Variants in GLI4 observed in about 807,000 individuals in gnomAD.
GLI4 encodes GLI family zinc finger 4.
GLI4 carries 34 observed loss-of-function variants against 30.9 expected under a neutral mutation model. The ratio of observed to expected loss-of-function variants is 1.10; its 90% CI spans 0.84 to 1.47. The LOEUF is 1.47. Ranked by LOEUF, GLI4 falls within the 40% of genes most tolerant of loss-of-function variation. The pLI, the probability that GLI4 is intolerant of heterozygous loss-of-function variation, is 0.00. For missense variants in GLI4, 696 were observed against 538.9 expected, an observed-to-expected ratio of 1.29 and a Z score of -2.89; for synonymous variants, 277 against 236.7, an observed-to-expected ratio of 1.17 and a Z score of -1.56.
Position 143,276,066 on chromosome 8 carries a change from T to C in GLI4, c.393T>C (p.Pro131=). ...SSAERPAGQP[P]GAVPCAQPRG... The stretch of plus-strand genomic sequence containing the variant: ...CGGAGCGGCCGGCGGGCCAGCCGCC[T>C]GGGGCCGTCCCTTGCGCCCAGCCGC... Residue 131 remains proline (P), a synonymous_variant, in exon 4 of 4, where the codon CCT becomes CCC. Transcript: ENST00000340042. 7.2e-7 allele frequency: 1 copy of C among 1,388,664 alleles called. No homozygotes were observed. The highest frequency in any genetic ancestry group is 9.2e-7 in the Non-Finnish European group (1 of 1,081,502). The allele number at this position is 1,388,664 out of a possible 1,614,324, so 86.0% of individuals were successfully genotyped here.
At chr8:143,273,344 C>G (rs571970780) in intron 2 of GLI4, 1 of 152,362 alleles carries the variant, frequency 6.6e-6, no homozygotes, top group South Asian at 2.1e-4. Flanking sequence ...TGCTTTGGGG[C>G]AGCCAAGCAG....
intron 1 of GLI4, among the ~76,000 whole-genome samples, chr8:143,268,412 G>T (rs890772319): frequency 1.3e-5 from 2 of 152,186 alleles, no homozygotes; most frequent in African/African-American, 4.8e-5. Flanking sequence ...TTGGACTCAA[G>T]CCGTTTTTGC....
intron 1 of GLI4, chr8:143,267,736 C>T (rs1815168885): frequency 1.0e-6 from 1 of 985,352 alleles, no homozygotes. Flanking sequence ...GGCGCCTTTC[C>T]CAGGCACCCA....
intron 2 of GLI4, among the ~76,000 whole-genome samples, chr8:143,273,704 C>T (rs1340608438): frequency 6.6e-6 from 1 of 152,244 alleles, no homozygotes; most frequent in Non-Finnish European, 1.5e-5. Flanking sequence ...CTGCCCACCC[C>T]AGCCCTGCGT....
Position 143,268,172 on chromosome 8 carries a change from C to T in GLI4, c.-38+688C>T, listed in dbSNP as rs1032730209. 5.0e-6 allele frequency: 4 copies of T among 793,846 alleles called. No individual in the cohort carries two copies. The Admixed American group carries it at 2.5e-4, about 50-fold the overall frequency. The allele number at this position is 793,846 out of a possible 1,614,324, so 49.2% of individuals were successfully genotyped here. ...CACCCAGTGGCCACCTACCTGGTGA[C>T]CTGACCCTTCCCATCATTAGGGGAT... On this transcript the variant is annotated intron_variant, in intron 1 of 3. Coordinates refer to ENST00000340042, the MANE Select transcript of GLI4 (RefSeq NM_138465.4).
rs1040589238 is a variant in GLI4, at chr8:143,276,136, C to T, written c.463C>T (p.Pro155Ser). The change falls in exon 4 of 4, where the codon CCC becomes TCC. Residue 155 changes from proline to serine, a missense_variant. By Grantham distance (74) the Pro-to-Ser change is moderately conservative (BLOSUM62 -1). Coordinates refer to ENST00000340042, the MANE Select transcript of GLI4 (RefSeq NM_138465.4). ...GCTCGTGCAGCAAGCAGCGGCCGGG[C>T]CCGAGGGTGCGCCCGAGCGGGCTGC... Reference protein sequence around the residue: ...VTLVQQAAAGPEGAPERAAEL... With the variant: ...VTLVQQAAAGSEGAPERAAEL... 1 of 1,541,864 alleles carries T rather than the reference C, an allele frequency of 6.5e-7. No homozygotes were observed. Among genetic ancestry groups the T allele is most frequent in the Non-Finnish European group, 8.7e-7 (1 of 1,144,078 alleles).
In GLI4 at chr8:143,276,829, C is replaced by T. The variant is rs372431008; in HGVS notation, c.*25C>T. ...GCCGGGCGGGGGCTCGGGGCTCGGC[C>T]TCCTACCTGCCCCCAACCCACCCTC... On this transcript the variant is annotated 3_prime_UTR_variant, in exon 4 of 4. Coordinates refer to ENST00000340042, the MANE Select transcript of GLI4 (RefSeq NM_138465.4). The T allele has an allele frequency of 9.0e-6, 13 of 1,437,546 alleles. No homozygotes were observed. The highest frequency in any genetic ancestry group is 4.9e-5 in the East Asian group (2 of 41,208). 89.0% of individuals were successfully genotyped at this position (1,437,546 alleles called of 1,614,324 possible).
At position 143,269,486 on chromosome 8, in the gene GLI4, C is replaced by T. The variant is rs373617213; in HGVS notation, c.90C>T (p.His30=). 4.4e-5 allele frequency: 71 copies of T among 1,612,788 alleles called. No individual in the cohort carries two copies. Among genetic ancestry groups the T allele is most frequent in the Non-Finnish European group, 4.5e-5 (53 of 1,179,362 alleles). ...CGGGGACACCTGGAACCCAGCACCA[C>T]GAGCCTCAGCTTCACCTCCATGGGC... is the stretch of plus-strand genomic sequence containing the variant. ...SSPGTPGTQH[H]EPQLHLHGHQ... is the part of the protein sequence containing the mutation. Residue 30 remains histidine (H), a synonymous_variant, in exon 2 of 4, where the codon CAC becomes CAT. Transcript: ENST00000340042.
chr8:143,275,054 C>T lies in GLI4; in HGVS notation c.223+252C>T. ...GCCAGTGGCCCCACGTGGACTCCTGCCGGCCCCAGCTGGACACAGTGAATC... is the reference window on the plus strand; with the variant it reads ...GCCAGTGGCCCCACGTGGACTCCTGTCGGCCCCAGCTGGACACAGTGAATC... On this transcript the variant is annotated intron_variant, in intron 3 of 3. Transcript: ENST00000340042. 2.0e-6 allele frequency: 3 copies of T among 1,533,316 alleles called. No homozygotes were observed. The South Asian group carries it at 3.6e-5, about 18-fold the overall frequency. The allele number at this position is 1,533,316 out of a possible 1,614,324, so 95.0% of individuals were successfully genotyped here. A position where few individuals can be genotyped will look rare whatever the true frequency, so the allele number is the denominator to read the frequency against.
rs1406821564 is a variant in GLI4, at chr8:143,275,487, C to T, written c.224-410C>T. 3 of 1,321,166 alleles carry T rather than the reference C, an allele frequency of 2.3e-6. No individual in the cohort carries two copies. The African/African-American group carries it at 4.5e-5, about 20-fold the overall frequency. The allele number at this position is 1,321,166 out of a possible 1,614,324, so 81.8% of individuals were successfully genotyped here. On this transcript the variant is annotated intron_variant, in intron 3 of 3. Transcript: ENST00000340042. ...GGGCAGCCCCATGAGGAGCTGTGCCCATATGGACCACATCCTCGGCAAGGG... is the reference window on the plus strand; with the variant it reads ...GGGCAGCCCCATGAGGAGCTGTGCCTATATGGACCACATCCTCGGCAAGGG...
chr8:143,268,218 G>A, intron 1 of GLI4: 2 of 424,386 alleles, frequency 4.7e-6, no homozygotes, highest in Non-Finnish European at 6.3e-6. Context: ...CCAGAAGCCG[G>A]GCACTGGGGT....
intron 2 of GLI4, among the ~76,000 whole-genome samples, chr8:143,271,565 A>T (rs752860916): frequency 5.3e-5 from 8 of 152,196 alleles, no homozygotes; most frequent in Non-Finnish European, 1.2e-4. Flanking sequence ...TTAGGGATCA[A>T]GACAGGACTT....
At chr8:143,274,981 A>G (rs1272754044) in intron 3 of GLI4, 179 bp downstream of exon 3, 1 of 1,490,784 alleles carries the variant, frequency 6.7e-7, no homozygotes, top group African/African-American at 1.4e-5. Flanking sequence ...ATGCCAGTCC[A>G]GTTACTGATG....
Position 143,276,126 on chromosome 8 carries a change from A to G in GLI4, c.453A>G (p.Ala151=). 2 of 1,522,328 alleles carry G rather than the reference A, an allele frequency of 1.3e-6. No homozygotes were observed. Among genetic ancestry groups the G allele is most frequent in the Non-Finnish European group, 1.8e-6 (2 of 1,138,046 alleles). The allele number at this position is 1,522,328 out of a possible 1,614,324, so 94.3% of individuals were successfully genotyped here. The change falls in exon 4 of 4, where the codon GCA becomes GCG. Residue 151 remains alanine (A), a synonymous_variant. Transcript: ENST00000340042. The part of the protein sequence containing the change: ...GAWRVTLVQQ[A]AAGPEGAPER... ...GGCGCGTGACGCTCGTGCAGCAAGC[A>G]GCGGCCGGGCCCGAGGGTGCGCCCG...
chr8:143,276,908 A>T lies in GLI4; in HGVS notation c.*104A>T, dbSNP rs1489825101. 1.3e-6 allele frequency: 1 copy of T among 752,542 alleles called. No individual in the cohort carries two copies. The highest frequency in any genetic ancestry group is 2.1e-6 in the Non-Finnish European group (1 of 475,774). 46.6% of individuals were successfully genotyped at this position (752,542 alleles called of 1,614,324 possible). A position where few individuals can be genotyped will look rare whatever the true frequency, so the allele number is the denominator to read the frequency against. On this transcript the variant is annotated 3_prime_UTR_variant, in exon 4 of 4. Coordinates refer to ENST00000340042, the MANE Select transcript of GLI4 (RefSeq NM_138465.4). The stretch of plus-strand genomic sequence containing the variant: ...CAGCACCGCATGCCACGTGTCCGGA[A>T]TAAATTCTTTTTGATTGTTGGAAGT...
Position 143,275,340 on chromosome 8 carries a change from G to C in GLI4, c.223+538G>C, listed in dbSNP as rs1586729583. 3.5e-6 allele frequency: 5 copies of C among 1,420,706 alleles called. No individual in the cohort carries two copies. The East Asian group carries it at 1.0e-4, about 29-fold the overall frequency. 88.0% of individuals were successfully genotyped at this position (1,420,706 alleles called of 1,614,324 possible). On this transcript the variant is annotated intron_variant, in intron 3 of 3. Transcript: ENST00000340042. ...CCTCGCCCACATCTGGGCGGCCCTG[G>C]GGTGGGGAGCAGGTGTCTGAGGTCA...
chr8:143,275,171 C>G, intron 3 of GLI4: 1 of 1,535,732 alleles, frequency 6.5e-7, no homozygotes, highest in Non-Finnish European at 8.7e-7. Flanking sequence ...ATCCTGTGTC[C>G]CCTCCTCCTC....
At chr8:143,269,290 C>T in intron 1 of GLI4, 70 bp from the exon 2 acceptor site, 2 of 1,167,510 alleles carry the variant, frequency 1.7e-6, no homozygotes, top group South Asian at 1.4e-5. Context: ...TGGCATGTTG[C>T]CTCCTCCTGC....
At position 143,269,443 on chromosome 8, in the gene GLI4, C is replaced by G; in HGVS notation, c.47C>G (p.Pro16Arg). 6.2e-7 allele frequency: 1 copy of G among 1,610,476 alleles called. No homozygotes were observed. Among genetic ancestry groups the G allele is most frequent in the South Asian group, 1.1e-5 (1 of 90,988 alleles). Residue 16 changes from proline (P) to arginine (R), a missense_variant, in exon 2 of 4, where the codon CCT becomes CGT. Physicochemically the swap from Pro to Arg is moderately radical, Grantham distance 103 (BLOSUM62 -2). Coordinates refer to ENST00000340042, the MANE Select transcript of GLI4 (RefSeq NM_138465.4). ...DIQESPSVPS[P>R]VSLSSPGTPG... is the part of the protein sequence containing the mutation. ...CAGGAGTCCCCTTCTGTCCCGTCCCCTGTCAGTCTCTCATCACCGGGGACA... is the reference window on the plus strand; with the variant it reads ...CAGGAGTCCCCTTCTGTCCCGTCCCGTGTCAGTCTCTCATCACCGGGGACA...
Sources: gnomAD v4.1 joint callset for allele counts (sites outside exome capture counted in the v4.1 genomes callset) on GRCh38, gnomAD v4.1.1 for gene constraint, MANE v1.5 for transcripts, NCBI Gene and HGNC (gene_info 2026-07-23, HGNC 2026-07-21) for gene names.